The following ANKIB1 variants were observed in gnomAD, a reference collection of about 807,000 sequenced individuals.
ANKIB1 encodes the protein ankyrin repeat and IBR domain containing 1.
Under a neutral mutation model 122.1 loss-of-function variants are expected in ANKIB1, and 43 were observed. The ratio of observed to expected loss-of-function variants is 0.35; its 90% CI spans 0.28 to 0.45. The LOEUF is 0.45. Among genes scored for constraint, ANKIB1 ranks in the 20% least tolerant of loss-of-function variants. The probability of loss-of-function intolerance (pLI) is 1.00; values close to 1 mark genes in which losing one functional copy is unlikely to be tolerated. For synonymous variants in ANKIB1, 390 were observed against 442.0 expected (o/e 0.88, Z 1.48); for missense variants, 992 against 1,329.5 (o/e 0.75, Z 3.95).
rs1417220004 is a variant in ANKIB1 at position 92,371,481 on chromosome 7, G to A, written c.1491G>A (p.Val497=). The change falls in exon 11 of 20, where the codon GTG becomes GTA. Residue 497 remains valine, a synonymous_variant. Transcript: ENST00000265742. ...KITEMKPEEL[V]GVSEAYEDAA... is the part of the protein sequence containing the mutation. ...ATTGTGTTTAATATCCCAAAGTTGT[G>A]GGAGTTAGTGAAGCCTACGAGGATG... The A allele has an allele frequency of 6.2e-7, 1 of 1,604,530 alleles. No homozygotes were observed. Among genetic ancestry groups the A allele is most frequent in the East Asian group, 2.2e-5 (1 of 44,732 alleles).
At chr7:92,379,882 A>C in intron 11 of ANKIB1, among the ~76,000 whole-genome samples, 1 of 152,078 alleles carries the variant, frequency 6.6e-6, no homozygotes, top group South Asian at 2.1e-4. Flanking sequence ...GGTTCATCTC[A>C]TTGGGACTGG....
intron 9 of ANKIB1, among the ~76,000 whole-genome samples, chr7:92,358,396 A>C (rs775597869): frequency 1.4e-4 from 21 of 152,142 alleles, no homozygotes; most frequent in Non-Finnish European, 2.1e-4. Context: ...GGTCCTGCTG[A>C]TTGGGCTCAC....
intron 11 of ANKIB1, among the ~76,000 whole-genome samples, chr7:92,382,989 G>T (rs540601672): frequency 2.4e-4 from 36 of 152,000 alleles, no homozygotes; most frequent in African/African-American, 8.7e-4. Flanking sequence ...TTGATAGACC[G>T]CTAGCAAGAC....
rs1273410257 is a variant in ANKIB1, at chr7:92,307,645, G to A, written c.475G>A (p.Ala159Thr). The change falls in exon 3 of 20, where the codon GCC becomes ACC. Residue 159 changes from alanine (A) to threonine (T), a missense_variant. By Grantham distance (58) the Ala-to-Thr change is moderately conservative. This residue lies in a region of ANKIB1 where 521 missense variants were observed against 777.7 expected (regional missense o/e 0.67). Coordinates refer to ENST00000265742, the MANE Select transcript of ANKIB1 (RefSeq NM_019004.2). The stretch of plus-strand genomic sequence containing the variant: ...CTATGCTGCTGCCTCAGGGATGAAA[G>A]CCTGTGTAGAGGTAAATTTTTTTTT... ...LHYAAASGMKACVELLVKHGG... is the reference protein window; with the variant it reads ...LHYAAASGMKTCVELLVKHGG... The A allele has an allele frequency of 1.9e-6, 3 of 1,575,798 alleles. No individual in the cohort carries two copies. The highest frequency in any genetic ancestry group is 2.6e-6 in the Non-Finnish European group (3 of 1,165,176).
intron 1 of ANKIB1, among the ~76,000 whole-genome samples, chr7:92,274,449 GAC>G (rs1191995574): frequency 6.6e-6 from 1 of 152,086 alleles, no homozygotes; most frequent in Non-Finnish European, 1.5e-5. Context: ...ATTTTACAGT[GAC>G]TACTATATTG....
intron 18 of ANKIB1, among the ~76,000 whole-genome samples, chr7:92,397,401 G>A (rs1804921835): frequency 6.6e-6 from 1 of 151,666 alleles, no homozygotes; most frequent in Admixed American, 6.6e-5. Context: ...CAGGAGAATC[G>A]CTTGAACCCA....
chr7:92,282,595 A>T (rs1802032463), intron 1 of ANKIB1, among the ~76,000 whole-genome samples: 1 of 152,342 alleles, frequency 6.6e-6, no homozygotes, highest in Admixed American at 6.5e-5. Flanking sequence ...GCCAACACTG[A>T]ATAGAGATGC....
At chr7:92,344,193 G>GTTTTT (rs67933063) in intron 6 of ANKIB1, among the ~76,000 whole-genome samples, 6 of 97,682 alleles carry the variant, frequency 6.1e-5, no homozygotes, top group African/African-American at 1.3e-4. Flanking sequence ...TGTGTTTTTG[G>GTTTTT]TTTTTTTTTT....
rs185612738 is a variant in ANKIB1, at chr7:92,375,233, T to C, written c.1617+3626T>C. ...TGCTGCTAACTGAACAGGGTGGTGG[T>C]TGCTGAAGGTTGAGTTGGCTGTGGC... On this transcript the variant is annotated intron_variant, in intron 11 of 19. Transcript: ENST00000265742. Among the ~76,000 whole-genome samples the C allele has an allele frequency of 1.4e-4, 21 of 152,326 alleles. No individual in the cohort carries two copies. The East Asian group carries it at 3.9e-3, about 28-fold the overall frequency.
chr7:92,377,391 A>G (rs1319657303), intron 11 of ANKIB1, among the ~76,000 whole-genome samples: 1 of 152,174 alleles, frequency 6.6e-6, no homozygotes, highest in African/African-American at 2.4e-5. Flanking sequence ...ATATTACAAT[A>G]GTAACATCAA....
intron 17 of ANKIB1, 89 bp from the exon 18 acceptor site, chr7:92,396,276 T>G (rs1264066532): frequency 1.3e-6 from 1 of 756,574 alleles, no homozygotes; most frequent in African/African-American, 1.8e-5. Flanking sequence ...TCACAAACTT[T>G]TTCCCCTGGA....
chr7:92,263,626 T>G (rs1801607799), intron 1 of ANKIB1, among the ~76,000 whole-genome samples: 1 of 152,168 alleles, frequency 6.6e-6, no homozygotes, highest in Non-Finnish European at 1.5e-5. Context: ...TGTCAATACC[T>G]CTCTCAAGTT....
chr7:92,248,515 G>A (rs1801248368), intron 1 of ANKIB1, among the ~76,000 whole-genome samples: 1 of 152,204 alleles, frequency 6.6e-6, no homozygotes, highest in Non-Finnish European at 1.5e-5. Context: ...TATATAAGTA[G>A]ATGGAAGAAC....
At chr7:92,308,849 G>A (rs1198689818) in intron 3 of ANKIB1, among the ~76,000 whole-genome samples, 3 of 152,084 alleles carry the variant, frequency 2.0e-5, no homozygotes, top group Non-Finnish European at 4.4e-5. Flanking sequence ...GAGCATATTA[G>A]ACTGGATTAC....
intron 1 of ANKIB1, among the ~76,000 whole-genome samples, chr7:92,293,881 G>A (rs1468327628): frequency 1.3e-5 from 2 of 151,950 alleles, no homozygotes; most frequent in African/African-American, 4.8e-5. Flanking sequence ...CAGAAACAAC[G>A]TTTATTGGAA....
At chr7:92,257,892 G>A (rs1801482388) in intron 1 of ANKIB1, among the ~76,000 whole-genome samples, 1 of 152,206 alleles carries the variant, frequency 6.6e-6, no homozygotes, top group Non-Finnish European at 1.5e-5. Flanking sequence ...GCCTTGTAAA[G>A]ATGGCTAATT....
At chr7:92,351,881 C>T (rs555220951) in intron 8 of ANKIB1, among the ~76,000 whole-genome samples, 26 of 151,812 alleles carry the variant, frequency 1.7e-4, no homozygotes, top group Middle Eastern at 6.8e-3. Context: ...CTACCACTCC[C>T]GGCTAATTTT....
chr7:92,354,814 A>T (rs934528714), intron 9 of ANKIB1, among the ~76,000 whole-genome samples: 2 of 152,178 alleles, frequency 1.3e-5, no homozygotes, highest in African/African-American at 4.8e-5. Flanking sequence ...GAGAAGCAAA[A>T]TCTGTTCACG....
rs573657094 is a variant in ANKIB1 at position 92,262,071 on chromosome 7, A to G, written c.-91+15552A>G. On this transcript the variant is annotated intron_variant, in intron 1 of 19. Transcript: ENST00000265742. Reference sequence around the variant, plus strand: ...TAAGTGAATTCGAAGACATTAAGTCAAATACATAGGATTCAGGTTCTTATT... The same window carrying G: ...TAAGTGAATTCGAAGACATTAAGTCGAATACATAGGATTCAGGTTCTTATT... 2.6e-5 allele frequency among the ~76,000 whole-genome samples: 4 copies of G among 152,350 alleles called. No individual in the cohort carries two copies. In the East Asian group the frequency reaches 7.7e-4, roughly 29 times the overall value.
Sources: gnomAD v4.1 joint callset for allele counts (sites outside exome capture counted in the v4.1 genomes callset) on GRCh38, gnomAD v4.1.1 for gene constraint, gnomAD v4.1.1 regional missense constraint, MANE v1.5 for transcripts, NCBI Gene and HGNC (gene_info 2026-07-23, HGNC 2026-07-21) for gene names.